Variants in GRID2 observed in about 807,000 individuals in gnomAD.
GRID2 encodes glutamate receptor ionotropic, delta-2.
In GRID2, 33 loss-of-function variants were observed where a neutral mutation model predicts 114.8. The observed-to-expected ratio is 0.29, with a 90% CI of 0.22 to 0.38. GRID2 has a LOEUF of 0.38. Ranked by LOEUF, GRID2 falls within the 10% of genes least tolerant of loss-of-function variation. GRID2 has a pLI of 1.00. For missense variants in GRID2, 1,184 were observed against 1,257.7 expected, an observed-to-expected ratio of 0.94 and a Z score of 0.89; for synonymous variants, 505 against 449.9, an observed-to-expected ratio of 1.12 and a Z score of -1.55.
At chr4:92,359,266 G>A (rs1728494678) in intron 1 of GRID2, among the ~76,000 whole-genome samples, 1 of 151,744 alleles carries the variant, frequency 6.6e-6, no homozygotes, top group African/African-American at 2.4e-5. Flanking sequence ...CTAATGATCA[G>A]TTGGAAAGCT....
intron 2 of GRID2, among the ~76,000 whole-genome samples, chr4:92,944,034 G>T (rs1382470676): frequency 6.6e-6 from 1 of 152,164 alleles, no homozygotes; most frequent in Non-Finnish European, 1.5e-5. Context: ...AGGGGTCAGG[G>T]ACCCACTTGA....
At chr4:93,302,014 T>C (rs150790545) in intron 8 of GRID2, among the ~76,000 whole-genome samples, 4 of 152,254 alleles carry the variant, frequency 2.6e-5, no homozygotes, top group Non-Finnish European at 5.9e-5. Flanking sequence ...AATTACACTG[T>C]AGTGTATAAG....
intron 2 of GRID2, among the ~76,000 whole-genome samples, chr4:92,933,225 A>T (rs1239184586): frequency 6.6e-6 from 1 of 151,132 alleles, no homozygotes; most frequent in Non-Finnish European, 1.5e-5. Flanking sequence ...GTGGAAATAT[A>T]TTCTTAAAAG....
At chr4:93,809,777 C>G (rs1396765704) in exon 2 of GRID2, 1 of 152,164 alleles carries the variant, frequency 6.6e-6, no homozygotes, top group Admixed American at 6.5e-5. Flanking sequence ...AATTCCAAGA[C>G]TTTTTCCTAT....
intron 2 of GRID2, among the ~76,000 whole-genome samples, chr4:92,664,046 T>TC (rs956503502): frequency 2.6e-5 from 4 of 151,060 alleles, no homozygotes; most frequent in Admixed American, 2.0e-4. Flanking sequence ...TTTCCTTCCT[T>TC]CTTCTACCTC....
intron 2 of GRID2, among the ~76,000 whole-genome samples, chr4:92,632,718 G>A (rs369199464): frequency 1.3e-4 from 19 of 151,562 alleles, no homozygotes; most frequent in African/African-American, 4.4e-4. Context: ...AAGGGAAGGA[G>A]TGAAGAAAGG....
chr4:93,442,500 T>C (rs918624350), intron 10 of GRID2, among the ~76,000 whole-genome samples: 2 of 152,024 alleles, frequency 1.3e-5, no homozygotes, highest in African/African-American at 4.8e-5. Flanking sequence ...CAATAAGCAT[T>C]TATTGGGGCC....
chr4:93,375,126 G>A (rs1042365581), intron 8 of GRID2, among the ~76,000 whole-genome samples: 2 of 151,614 alleles, frequency 1.3e-5, no homozygotes, highest in Non-Finnish European at 2.9e-5. Context: ...GCAGCTTTCC[G>A]TTGCCTCTAC....
At chr4:92,345,783 A>G (rs1193680872) in intron 1 of GRID2, among the ~76,000 whole-genome samples, 1 of 152,186 alleles carries the variant, frequency 6.6e-6, no homozygotes, top group African/African-American at 2.4e-5. Flanking sequence ...CCATCACACA[A>G]ACTATCTTGA....
intron 1 of GRID2, among the ~76,000 whole-genome samples, chr4:92,528,064 T>G (rs1223224730): frequency 2.0e-5 from 3 of 151,974 alleles, no homozygotes; most frequent in Non-Finnish European, 4.4e-5. Context: ...ATGGAGAAAT[T>G]GGTTGAATTG....
intron 2 of GRID2, among the ~76,000 whole-genome samples, chr4:92,750,168 C>T (rs921932831): frequency 2.6e-5 from 4 of 152,120 alleles, no homozygotes; most frequent in African/African-American, 9.7e-5. Context: ...GCCCGGGCGC[C>T]TCACATTCTA....
At chr4:92,694,624 C>T (rs1463919919) in intron 2 of GRID2, among the ~76,000 whole-genome samples, 1 of 152,104 alleles carries the variant, frequency 6.6e-6, no homozygotes, top group Non-Finnish European at 1.5e-5. Context: ...CAATTTTGCT[C>T]TGTGTATGTC....
chr4:92,726,025 G>A (rs1736053040), intron 2 of GRID2, among the ~76,000 whole-genome samples: 1 of 151,936 alleles, frequency 6.6e-6, no homozygotes, highest in Admixed American at 6.6e-5. Context: ...TTTATATTAT[G>A]CATGTTCTAG....
chr4:93,564,855 T>C (rs571419612), intron 13 of GRID2, among the ~76,000 whole-genome samples: 67 of 152,140 alleles, frequency 4.4e-4, no homozygotes, highest in Non-Finnish European at 6.6e-4. Flanking sequence ...TATACGTCAC[T>C]GTTTACTCAA....
At chr4:92,590,807 CT>C (rs1304510880) in intron 2 of GRID2, among the ~76,000 whole-genome samples, 1 of 152,162 alleles carries the variant, frequency 6.6e-6, no homozygotes, top group Non-Finnish European at 1.5e-5. Context: ...TATTAAAGCA[CT>C]TTCCTCCTTT....
At chr4:92,834,391 T>G (rs1742315230) in intron 2 of GRID2, among the ~76,000 whole-genome samples, 1 of 152,202 alleles carries the variant, frequency 6.6e-6, no homozygotes, top group South Asian at 2.1e-4. Flanking sequence ...ATTTAAGCCT[T>G]ATGTGTTGTT....
rs577570020 is a variant in GRID2 at position 92,972,611 on chromosome 4, T to A, written c.245-112384T>A. Among the ~76,000 whole-genome samples, 10 of 151,982 alleles carry A rather than the reference T, an allele frequency of 6.6e-5. No individual in the cohort carries two copies. The East Asian group carries it at 7.7e-4, about 12-fold the overall frequency. ...CTCTCAGGAAAATAATTTTTTTTTT[T>A]ATTTTTAATTTTAAGTTCAGGGGTG... On this transcript the variant is annotated intron_variant, in intron 2 of 15. Coordinates refer to ENST00000282020, the MANE Select transcript of GRID2 (RefSeq NM_001510.4).
chr4:92,600,470 T>C lies in GRID2; in HGVS notation c.244+10184T>C, dbSNP rs565423387. ...TATTTATTTGTTCAGTAAGCTTTAG[T>C]GTTTAGAATTGTGTTGCACAGTTCA... On this transcript the variant is annotated intron_variant, in intron 2 of 15. Coordinates refer to ENST00000282020, the MANE Select transcript of GRID2 (RefSeq NM_001510.4). Among the ~76,000 whole-genome samples, 8 of 152,272 alleles carry C rather than the reference T, an allele frequency of 5.3e-5. No individual in the cohort carries two copies. The South Asian group carries it at 1.7e-3, about 32-fold the overall frequency.
At chr4:93,459,859 A>G (rs1438445181) in intron 11 of GRID2, among the ~76,000 whole-genome samples, 1 of 152,178 alleles carries the variant, frequency 6.6e-6, no homozygotes, top group Admixed American at 6.5e-5. Context: ...CCAACCATTC[A>G]GACTCATGTT....
Sources: gnomAD v4.1 joint callset for allele counts (sites outside exome capture counted in the v4.1 genomes callset) on GRCh38, gnomAD v4.1.1 for gene constraint, MANE v1.5 for transcripts, NCBI Gene and HGNC (gene_info 2026-07-23, HGNC 2026-07-21) for gene names.